FADS1: variants seen among roughly 807,000 people sequenced by gnomAD.
FADS1 encodes the protein fatty acid desaturase 1.
FADS1 carries 17 observed loss-of-function variants against 61.6 expected under a neutral mutation model. The ratio of observed to expected loss-of-function variants is 0.28; its 90% confidence interval spans 0.19 to 0.41. The LOEUF is 0.41. FADS1 is among the 10% of genes least tolerant of loss of function. The pLI is 1.00. For synonymous variants in FADS1, 238 were observed against 258.7 expected, an observed-to-expected ratio of 0.92 and a Z score of 0.77; for missense variants, 387 against 650.9, an observed-to-expected ratio of 0.59 and a Z score of 4.41.
intron 6 of FADS1, 139 bp from the exon 7 acceptor site, chr11:61,804,900 G>A: frequency 2.8e-6 from 2 of 715,734 alleles, no homozygotes; most frequent in African/African-American, 3.5e-5. Context: ...AGGTGCTTGA[G>A]TGCTCTGCAA....
At position 61,816,720 on chromosome 11, in the gene FADS1, C is replaced by G. The variant is rs1196024041; in HGVS notation, c.210G>C (p.Gln70His). ...AGGTGAAGTAGCGCGGGGTAGGTCC[C>G]TGAGCCGCGGTCTCGGCGGCCACCG... ...PDPVAAETAAQGPTPRYFTWD... is the reference protein window; with the variant it reads ...PDPVAAETAAHGPTPRYFTWD... The change falls in exon 1 of 12, where the codon CAG (glutamine) becomes CAC (histidine). Residue 70 changes from glutamine (Q) to histidine (H), a missense_variant. Physicochemically the swap from Gln to His is conservative, Grantham distance 24. Transcript: ENST00000350997. The surrounding 1 kb of genome is among the most constrained non-coding windows in gnomAD (Gnocchi z 7.0). 6.4e-7 allele frequency: 1 copy of G among 1,568,282 alleles called. No individual in the cohort carries two copies. Among genetic ancestry groups the G allele is most frequent in the Non-Finnish European group, 8.6e-7 (1 of 1,157,402 alleles).
Position 61,802,343 on chromosome 11 carries a change from C to A in FADS1, c.*68G>T. ...ATTAAACTATAGTGGCATTGTCCCT[C>A]AAGCTCCCCTCTGCCTTGGCTCCAG... On this transcript the variant is annotated 3_prime_UTR_variant, in exon 12 of 12. Coordinates refer to ENST00000350997, the MANE Select transcript of FADS1 (RefSeq NM_013402.7). This position sits in a 1 kb window ranked among gnomAD's most constrained non-coding sequence, Gnocchi z 4.2. 1 of 1,393,070 alleles carries A rather than the reference C, an allele frequency of 7.2e-7. No individual in the cohort carries two copies. Among genetic ancestry groups the A allele is most frequent in the South Asian group, 1.2e-5 (1 of 80,834 alleles). The allele number at this position is 1,393,070 out of a possible 1,614,324, so 86.3% of individuals were successfully genotyped here.
intron 5 of FADS1, among the ~76,000 whole-genome samples, chr11:61,809,585 A>G (rs912597543): frequency 1.3e-5 from 2 of 152,188 alleles, no homozygotes; most frequent in Non-Finnish European, 2.9e-5. Context: ...TAGTGGTGTG[A>G]GACTGTTCCC....
Position 61,802,973 on chromosome 11 carries a change from A to G in FADS1, c.1329-47T>C, listed in dbSNP as rs768720891. 126 of 1,613,516 alleles carry G rather than the reference A, an allele frequency of 7.8e-5. 1 individual carries two copies. In the Middle Eastern group the frequency reaches 8.2e-4, roughly 11 times the overall value. On this transcript the variant is annotated intron_variant, in intron 10 of 11. Coordinates refer to ENST00000350997, the MANE Select transcript of FADS1 (RefSeq NM_013402.7). The surrounding 1 kb of genome is among the most constrained non-coding windows in gnomAD (Gnocchi z 4.2). ...CAGTGGTTCCTGCTTCTCTGCTCCC[A>G]CCTGTACCCAACACTTACACCCTCC...
intron 1 of FADS1, 128 bp from the exon 2 acceptor site, chr11:61,813,481 G>C (rs2135940329): frequency 1.5e-6 from 1 of 650,822 alleles, no homozygotes; most frequent in East Asian, 2.6e-5. Flanking sequence ...GGTGAAGCCA[G>C]ATGGACTTCC....
Position 61,811,154 on chromosome 11 carries a change from C to T in FADS1, c.685-79G>A, listed in dbSNP as rs1422544207. On this transcript the variant is annotated intron_variant, in intron 3 of 11. Coordinates refer to ENST00000350997, the MANE Select transcript of FADS1 (RefSeq NM_013402.7). The stretch of plus-strand genomic sequence containing the variant: ...CACTGACCTCGATGCCTCCTTCAGC[C>T]TCTCCCACTTCCTTCATCTGCCAAG... 5.9e-6 allele frequency: 6 copies of T among 1,011,880 alleles called. No homozygotes were observed. In the African/African-American group the frequency reaches 6.2e-5, roughly 11 times the overall value. The allele number at this position is 1,011,880 out of a possible 1,614,324, so 62.7% of individuals were successfully genotyped here.
chr11:61,813,429 T>TC, intron 1 of FADS1, 76 bp from the exon 2 acceptor site: 1 of 820,282 alleles, frequency 1.2e-6, no homozygotes, highest in Non-Finnish European at 2.1e-6. Context: ...CCAAAGGCCA[T>TC]CCTCCTGCCC....
intron 6 of FADS1, chr11:61,806,457 G>C: frequency 3.4e-6 from 2 of 581,418 alleles, no homozygotes; most frequent in Non-Finnish European, 3.1e-6. Flanking sequence ...GAACTAGTTT[G>C]CCTTCAACCA....
intron 5 of FADS1, among the ~76,000 whole-genome samples, chr11:61,808,370 C>A (rs1040221601): frequency 6.6e-6 from 1 of 151,918 alleles, no homozygotes; most frequent in Non-Finnish European, 1.5e-5. Flanking sequence ...CCCAAAATAG[C>A]CTTTCTTCTC....
At chr11:61,807,772 A>G (rs2066903652) in intron 5 of FADS1, among the ~76,000 whole-genome samples, 1 of 152,212 alleles carries the variant, frequency 6.6e-6, no homozygotes, top group South Asian at 2.1e-4. Context: ...TCAGGTAACC[A>G]GACAACCACA....
At position 61,803,517 on chromosome 11, in the gene FADS1, C is replaced by T; in HGVS notation, c.1152-58G>A. On this transcript the variant is annotated intron_variant, in intron 8 of 11. Coordinates refer to ENST00000350997, the MANE Select transcript of FADS1 (RefSeq NM_013402.7). This position sits in a 1 kb window ranked among gnomAD's most constrained non-coding sequence, Gnocchi z 4.3. ...CACACAGAGCCCAGAATTCTGATTC[C>T]CCCCTCAGATAACTGCTCCAGCCTG... is the stretch of plus-strand genomic sequence containing the variant. 1 of 1,463,788 alleles carries T rather than the reference C, an allele frequency of 6.8e-7. No homozygotes were observed. Among genetic ancestry groups the T allele is most frequent in the Non-Finnish European group, 9.6e-7 (1 of 1,042,990 alleles). 90.7% of individuals were successfully genotyped at this position (1,463,788 alleles called of 1,614,324 possible).
chr11:61,816,641 G>C lies in FADS1; in HGVS notation c.289C>G (p.Arg97Gly). ...GCEERWLVID[R>G]KVYNISEFTR... The stretch of plus-strand genomic sequence containing the variant: ...AACTCGCTGATGTTGTACACCTTAC[G>C]GTCGATCACTAGCCACCGCTCCTCG... The change falls in exon 1 of 12, where the codon CGT becomes GGT. Residue 97 changes from arginine to glycine, a missense_variant. By Grantham distance (125) the Arg-to-Gly change is moderately radical (BLOSUM62 -2). Coordinates refer to ENST00000350997, the MANE Select transcript of FADS1 (RefSeq NM_013402.7). This position sits in a 1 kb window ranked among gnomAD's most constrained non-coding sequence, Gnocchi z 7.0. 2 of 1,603,956 alleles carry C rather than the reference G, an allele frequency of 1.2e-6. No homozygotes were observed. The highest frequency in any genetic ancestry group is 1.7e-6 in the Non-Finnish European group (2 of 1,176,166).
rs2066979733 is a variant in FADS1, at chr11:61,816,122, T to C, written c.375+433A>G. On this transcript the variant is annotated intron_variant, in intron 1 of 11. Transcript: ENST00000350997. This position sits in a 1 kb window ranked among gnomAD's most constrained non-coding sequence, Gnocchi z 7.0. ...ACCGGCACCTAGGTCCAGACGCGGC[T>C]GCGCTGCCTCTCCTAGCCATCGAGA... The C allele has an allele frequency of 1.3e-6, 1 of 748,332 alleles. No homozygotes were observed. 46.4% of individuals were successfully genotyped at this position (748,332 alleles called of 1,614,324 possible). A position where few individuals can be genotyped will look rare whatever the true frequency, so the allele number is the denominator to read the frequency against.
At position 61,802,703 on chromosome 11, in the gene FADS1, G is replaced by T; in HGVS notation, c.1454+98C>A. ...GGTGAACTCCATCCCACACGACTGG[G>T]AACACCTTCTGTTCACTCCCCACCC... On this transcript the variant is annotated intron_variant, in intron 11 of 11. Transcript: ENST00000350997. The surrounding 1 kb of genome is among the most constrained non-coding windows in gnomAD (Gnocchi z 4.2). 8 of 1,542,196 alleles carry T rather than the reference G, an allele frequency of 5.2e-6. No individual in the cohort carries two copies. The highest frequency in any genetic ancestry group is 1.1e-5 in the South Asian group (1 of 88,012).
intron 3 of FADS1, among the ~76,000 whole-genome samples, chr11:61,811,534 G>A (rs555351403): frequency 6.6e-6 from 1 of 151,582 alleles, no homozygotes; most frequent in East Asian, 2.0e-4. Context: ...TCGAACTCCT[G>A]ACCTCAGGTG....
chr11:61,803,507 A>G lies in FADS1; in HGVS notation c.1152-48T>C, dbSNP rs1275331153. The G allele has an allele frequency of 4.0e-6, 6 of 1,514,938 alleles. No homozygotes were observed. Among genetic ancestry groups the G allele is most frequent in the Non-Finnish European group, 5.5e-6 (6 of 1,089,680 alleles). The allele number at this position is 1,514,938 out of a possible 1,614,324, so 93.8% of individuals were successfully genotyped here. ...AAAAACAGTACACACAGAGCCCAGA[A>G]TTCTGATTCCCCCCTCAGATAACTG... On this transcript the variant is annotated intron_variant, in intron 8 of 11. Transcript: ENST00000350997. This position sits in a 1 kb window ranked among gnomAD's most constrained non-coding sequence, Gnocchi z 4.3.
intron 2 of FADS1, among the ~76,000 whole-genome samples, 155 bp from the exon 3 acceptor site, chr11:61,812,823 G>C (rs1461043264): frequency 6.6e-6 from 1 of 152,216 alleles, no homozygotes; most frequent in Admixed American, 6.5e-5. Flanking sequence ...GATGACAGGA[G>C]GAGGTGCCAT....
At chr11:61,812,378 G>A (rs2066936944) in intron 3 of FADS1, 93 bp downstream of exon 3, 1 of 1,126,610 alleles carries the variant, frequency 8.9e-7, no homozygotes, top group African/African-American at 1.5e-5. Flanking sequence ...CCTGCTTGGA[G>A]GGCAGGCACT....
Sources: gnomAD v4.1 joint callset for allele counts (sites outside exome capture counted in the v4.1 genomes callset) on GRCh38, gnomAD v4.1.1 for gene constraint, Gnocchi (gnomAD v3.1) non-coding constraint, MANE v1.5 for transcripts, NCBI Gene and HGNC (gene_info 2026-07-23, HGNC 2026-07-21) for gene names.